TNFSF13: variants seen among roughly 807,000 people sequenced by gnomAD.
The protein encoded by TNFSF13 is TNF superfamily member 13.
TNFSF13 carries 18 observed loss-of-function variants against 30.7 expected under a neutral mutation model. That is an observed-to-expected ratio of 0.59 (90% CI 0.41 to 0.87). The LOEUF is 0.87. TNFSF13 is among the 40% of genes least tolerant of loss of function. The pLI is 0.00. For missense variants in TNFSF13, 286 were observed against 308.8 expected (o/e 0.93, Z 0.55); for synonymous variants, 116 against 123.2 (o/e 0.94, Z 0.39).
Position 7,558,952 on chromosome 17 carries a change from CT to C in TNFSF13, c.-87del. ...CCTTGCGTAACAACCTTCTTCCCTT[CT>C]GCACCACTGCCCGTACCCTTACCCG... On this transcript the variant is annotated 5_prime_UTR_variant, in exon 1 of 6. Coordinates refer to ENST00000338784, the MANE Select transcript of TNFSF13 (RefSeq NM_003808.4). This position sits in a 1 kb window ranked among gnomAD's most constrained non-coding sequence, Gnocchi z 4.3. 1.4e-6 allele frequency: 2 copies of C among 1,394,330 alleles called. No individual in the cohort carries two copies. 86.4% of individuals were successfully genotyped at this position (1,394,330 alleles called of 1,614,324 possible).
In TNFSF13 at chr17:7,559,924, G is replaced by C; in HGVS notation, c.385+31G>C. 5 of 1,614,048 alleles carry C rather than the reference G, an allele frequency of 3.1e-6. No homozygotes were observed. The highest frequency in any genetic ancestry group is 4.2e-6 in the Non-Finnish European group (5 of 1,180,018). ...CACTATTTTAAATAATGGCTTTGGG[G>C]AGGGGCAATAACCAGGAACTCGGGC... On this transcript the variant is annotated intron_variant, in intron 3 of 5. Coordinates refer to ENST00000338784, the MANE Select transcript of TNFSF13 (RefSeq NM_003808.4). This position sits in a 1 kb window ranked among gnomAD's most constrained non-coding sequence, Gnocchi z 5.4.
rs767911829 is a variant in TNFSF13, at chr17:7,560,809, C to T, written c.729C>T (p.Thr243=). 2 of 1,614,026 alleles carry T rather than the reference C, an allele frequency of 1.2e-6. No individual in the cohort carries two copies. Among genetic ancestry groups the T allele is most frequent in the Non-Finnish European group, 1.7e-6 (2 of 1,179,942 alleles). Residue 243 remains threonine (T), a synonymous_variant, in exon 6 of 6, where the codon ACC becomes ACT. Transcript: ENST00000338784. ...RAKLNLSPHG[T]FLGFVKL ...AACTTAACCTCTCTCCACATGGAAC[C>T]TTCCTGGGGTTTGTGAAACTGTGAT...
At chr17:7,560,207 T>A (rs779454601) in intron 4 of TNFSF13, 40 bp downstream of exon 4, 2 of 1,613,268 alleles carry the variant, frequency 1.2e-6, no homozygotes, top group South Asian at 1.1e-5. Flanking sequence ...GAGGGCCTCT[T>A]TGGCCCCCTA....
Position 7,560,739 on chromosome 17 carries a change from AC to A in TNFSF13, c.661del (p.Gln221LysfsTer5). 1.2e-6 allele frequency: 2 copies of A among 1,614,146 alleles called. No homozygotes were observed. Among genetic ancestry groups the A allele is most frequent in the Non-Finnish European group, 1.7e-6 (2 of 1,180,022 alleles). On this transcript the variant is annotated frameshift_variant, in exon 6 of 6. Transcript: ENST00000338784. LOFTEE classifies it high-confidence loss of function. ...SCYSAGVFHL[H>X]QGDILSVIIP... is the part of the protein sequence containing the mutation. ...CTTTTCTCAGGTGTCTTCCATTTAC[AC>A]CAAGGGGATATTCTGAGTGTCATAA... is the stretch of plus-strand genomic sequence containing the variant.
chr17:7,559,277 T>C lies in TNFSF13; in HGVS notation c.238T>C (p.Trp80Arg). 2 of 1,606,458 alleles carry C rather than the reference T, an allele frequency of 1.2e-6. No homozygotes were observed. Among genetic ancestry groups the C allele is most frequent in the South Asian group, 1.1e-5 (1 of 90,484 alleles). ...GPSQNGEGYP[W>R]QSLPEQSSDA... ...CTCCCAGAATGGGGAAGGGTATCCC[T>C]GGCAGAGTCTCCCGGAGCAGGTGAG... Residue 80 changes from tryptophan to arginine, a missense_variant, in exon 1 of 6, where the codon TGG (tryptophan) becomes CGG (arginine). By Grantham distance (101) the Trp-to-Arg change is moderately radical. Coordinates refer to ENST00000338784, the MANE Select transcript of TNFSF13 (RefSeq NM_003808.4). This position sits in a 1 kb window ranked among gnomAD's most constrained non-coding sequence, Gnocchi z 5.4.
In TNFSF13 at chr17:7,559,123, A is replaced by G. The variant is rs758442467; in HGVS notation, c.84A>G (p.Ser28=). 3.1e-6 allele frequency: 5 copies of G among 1,608,766 alleles called. 1 individual carries two copies. In the South Asian group the frequency reaches 4.4e-5, roughly 14 times the overall value. Residue 28 remains serine (S), a synonymous_variant, in exon 1 of 6, where the codon TCA becomes TCG. Coordinates refer to ENST00000338784, the MANE Select transcript of TNFSF13 (RefSeq NM_003808.4). The surrounding 1 kb of genome is among the most constrained non-coding windows in gnomAD (Gnocchi z 5.4). ...GCCCAGTCAGAGAGCCGGCACTCTCAGTTGCCCTCTGGTTGAGTTGGGGGG... is the reference window on the plus strand; with the variant it reads ...GCCCAGTCAGAGAGCCGGCACTCTCGGTTGCCCTCTGGTTGAGTTGGGGGG... ...MGGPVREPAL[S]VALWLSWGAA...
chr17:7,558,929 T>C lies in TNFSF13; in HGVS notation c.-111T>C, dbSNP rs1440302478. Reference sequence around the variant, plus strand: ...TTTTCAAGTTCCTTTTTATTTCTCCTTGCGTAACAACCTTCTTCCCTTCTG... The same window carrying C: ...TTTTCAAGTTCCTTTTTATTTCTCCCTGCGTAACAACCTTCTTCCCTTCTG... On this transcript the variant is annotated 5_prime_UTR_variant, in exon 1 of 6. Coordinates refer to ENST00000338784, the MANE Select transcript of TNFSF13 (RefSeq NM_003808.4). This position sits in a 1 kb window ranked among gnomAD's most constrained non-coding sequence, Gnocchi z 4.3. 3 of 1,229,392 alleles carry C rather than the reference T, an allele frequency of 2.4e-6. No individual in the cohort carries two copies. Among genetic ancestry groups the C allele is most frequent in the Admixed American group, 5.5e-5 (2 of 36,668 alleles). The allele number at this position is 1,229,392 out of a possible 1,614,324, so 76.2% of individuals were successfully genotyped here.
At chr17:7,560,004 C>G in intron 3 of TNFSF13, 45 bp from the exon 4 acceptor site, 1 of 1,614,058 alleles carries the variant, frequency 6.2e-7, no homozygotes, top group African/African-American at 1.3e-5. Context: ...CCAAAAAGCA[C>G]CTGAGAGTGC....
chr17:7,559,382 G>A lies in TNFSF13; in HGVS notation c.258+85G>A. ...TCCTGGTCTGCAAAGTTTCAAGGGG[G>A]TGCAAGAGAGGGTCTCCGGTTTGGA... is the stretch of plus-strand genomic sequence containing the variant. On this transcript the variant is annotated intron_variant, in intron 1 of 5. Transcript: ENST00000338784. This position sits in a 1 kb window ranked among gnomAD's most constrained non-coding sequence, Gnocchi z 5.4. 6.8e-7 allele frequency: 1 copy of A among 1,471,968 alleles called. No homozygotes were observed. The highest frequency in any genetic ancestry group is 1.4e-5 in the South Asian group (1 of 70,940). 91.2% of individuals were successfully genotyped at this position (1,471,968 alleles called of 1,614,324 possible). A position where few individuals can be genotyped will look rare whatever the true frequency, so the allele number is the denominator to read the frequency against.
At position 7,561,271 on chromosome 17, in the gene TNFSF13, A is replaced by G; in HGVS notation, c.*438A>G. On this transcript the variant is annotated 3_prime_UTR_variant, in exon 6 of 6. Coordinates refer to ENST00000338784, the MANE Select transcript of TNFSF13 (RefSeq NM_003808.4). The surrounding 1 kb of genome is among the most constrained non-coding windows in gnomAD (Gnocchi z 4.4). ...GTGCCCTCTGCCTCTTCACCCCACA[A>G]GAAGCCTTATCCTACGTCCTTCTCT... 7.0e-6 allele frequency: 4 copies of G among 571,466 alleles called. No individual in the cohort carries two copies. The highest frequency in any genetic ancestry group is 1.3e-5 in the Non-Finnish European group (4 of 319,392). The allele number at this position is 571,466 out of a possible 1,614,324, so 35.4% of individuals were successfully genotyped here.
rs1450417312 is a variant in TNFSF13 at position 7,560,468 on chromosome 17, A to G, written c.623A>G (p.Tyr208Cys). The G allele has an allele frequency of 6.2e-7, 1 of 1,614,208 alleles. No individual in the cohort carries two copies. The highest frequency in any genetic ancestry group is 1.7e-5 in the Admixed American group (1 of 60,020). The change falls in exon 5 of 6, where the codon TAC (tyrosine) becomes TGC (cysteine). Residue 208 changes from tyrosine to cysteine, a missense_variant. By Grantham distance (194) the Tyr-to-Cys change is radical. Coordinates refer to ENST00000338784, the MANE Select transcript of TNFSF13 (RefSeq NM_003808.4). Reference sequence around the variant, plus strand: ...ATGCCCTCCCACCCGGACCGGGCCTACAACAGCTGCTATAGCGCAGGTGAG... The same window carrying G: ...ATGCCCTCCCACCCGGACCGGGCCTGCAACAGCTGCTATAGCGCAGGTGAG... The part of the protein sequence containing the change: ...RSMPSHPDRA[Y>C]NSCYSAGVFH...
intron 4 of TNFSF13, 43 bp downstream of exon 4, chr17:7,560,210 G>C (rs2071163035): frequency 6.2e-7 from 1 of 1,613,106 alleles, no homozygotes; most frequent in Non-Finnish European, 8.5e-7. Context: ...GGCCTCTTTG[G>C]CCCCCTACTG....
Position 7,559,863 on chromosome 17 carries a change from C to T in TNFSF13, c.355C>T (p.His119Tyr). The T allele has an allele frequency of 1.2e-6, 2 of 1,614,114 alleles. No individual in the cohort carries two copies. The highest frequency in any genetic ancestry group is 1.7e-6 in the Non-Finnish European group (2 of 1,180,026). ...QKQKKQHSVL[H>Y]LVPINATSKD... ...CTCCTCAGAGCAGCACTCTGTCCTGCACCTGGTTCCCATTAACGCCACCTC... is the reference window on the plus strand; with the variant it reads ...CTCCTCAGAGCAGCACTCTGTCCTGTACCTGGTTCCCATTAACGCCACCTC... The change falls in exon 3 of 6, where the codon CAC (histidine) becomes TAC (tyrosine). Residue 119 changes from histidine to tyrosine, a missense_variant. His to Tyr is a moderately conservative substitution (Grantham distance 83, BLOSUM62 2). Transcript: ENST00000338784. This position sits in a 1 kb window ranked among gnomAD's most constrained non-coding sequence, Gnocchi z 5.4.
intron 5 of TNFSF13, 37 bp downstream of exon 5, chr17:7,560,525 C>G (rs759350354): frequency 1.1e-5 from 18 of 1,613,472 alleles, no homozygotes; most frequent in Non-Finnish European, 1.5e-5. Context: ...CAGGACGTCT[C>G]TGACCGGGGG....
Position 7,560,842 on chromosome 17 carries a change from TAA to T in TNFSF13, c.*13_*14del. On this transcript the variant is annotated 3_prime_UTR_variant, in exon 6 of 6. Transcript: ENST00000338784. ...GGTTTGTGAAACTGTGATTGTGTTA[TAA>T]AAAGTGGCTCCCAGCTTGGAAGACC... The T allele has an allele frequency of 6.2e-7, 1 of 1,613,806 alleles. No individual in the cohort carries two copies. Among genetic ancestry groups the T allele is most frequent in the Non-Finnish European group, 8.5e-7 (1 of 1,179,772 alleles).
intron 5 of TNFSF13, 29 bp downstream of exon 5, chr17:7,560,517 G>A (rs770450277): frequency 1.9e-6 from 3 of 1,613,710 alleles, no homozygotes; most frequent in South Asian, 2.2e-5. Flanking sequence ...GCCGAAAGCA[G>A]GACGTCTCTG....
Position 7,559,701 on chromosome 17 carries a change from G to C in TNFSF13, c.336G>C (p.Lys112Asn). The change falls in exon 2 of 6, where the codon AAG (lysine) becomes AAC (asparagine). Residue 112 changes from lysine (K) to asparagine (N), a missense_variant and splice_region_variant. Transcript: ENST00000338784. The surrounding 1 kb of genome is among the most constrained non-coding windows in gnomAD (Gnocchi z 5.4). ...KRRAVLTQKQ[K>N]KQHSVLHLVP... The stretch of plus-strand genomic sequence containing the variant: ...GAGCAGTGCTCACCCAAAAACAGAA[G>C]AGTGAGGCTTCCAGGGTGCAGCAGG... 1 of 1,613,914 alleles carries C rather than the reference G, an allele frequency of 6.2e-7. No homozygotes were observed. Among genetic ancestry groups the C allele is most frequent in the Non-Finnish European group, 8.5e-7 (1 of 1,179,952 alleles).
chr17:7,559,302 G>A lies in TNFSF13; in HGVS notation c.258+5G>A. ...TGGCAGAGTCTCCCGGAGCAGGTGAGTGAGGGGAGGAGGGTGTCTGGGAGA... is the reference window on the plus strand; with the variant it reads ...TGGCAGAGTCTCCCGGAGCAGGTGAATGAGGGGAGGAGGGTGTCTGGGAGA... On this transcript the variant is annotated splice_donor_5th_base_variant and intron_variant, in intron 1 of 5. Transcript: ENST00000338784. The surrounding 1 kb of genome is among the most constrained non-coding windows in gnomAD (Gnocchi z 5.4). The A allele has an allele frequency of 1.3e-6, 2 of 1,594,880 alleles. No homozygotes were observed. Among genetic ancestry groups the A allele is most frequent in the Non-Finnish European group, 1.7e-6 (2 of 1,169,462 alleles).
chr17:7,561,439 T>G lies in TNFSF13; in HGVS notation c.*606T>G. On this transcript the variant is annotated 3_prime_UTR_variant, in exon 6 of 6. Transcript: ENST00000338784. This position sits in a 1 kb window ranked among gnomAD's most constrained non-coding sequence, Gnocchi z 4.4. Reference sequence around the variant, plus strand: ...CAAGGTTTGGCTTTCACGCGCTCCATTGCCCCGGCGTGGCAGGCCATTCCA... The same window carrying G: ...CAAGGTTTGGCTTTCACGCGCTCCAGTGCCCCGGCGTGGCAGGCCATTCCA... 1 of 229,030 alleles carries G rather than the reference T, an allele frequency of 4.4e-6. No individual in the cohort carries two copies. Among genetic ancestry groups the G allele is most frequent in the Non-Finnish European group, 8.9e-6 (1 of 112,536 alleles). The allele number at this position is 229,030 out of a possible 1,614,324, so 14.2% of individuals were successfully genotyped here.
Sources: gnomAD v4.1 joint callset for allele counts on GRCh38, gnomAD v4.1.1 for gene constraint, Gnocchi (gnomAD v3.1) non-coding constraint, MANE v1.5 for transcripts, NCBI Gene and HGNC (gene_info 2026-07-23, HGNC 2026-07-21) for gene names.